The following ENTREP2 variants were observed in gnomAD, a reference collection of about 807,000 sequenced individuals.
ENTREP2 encodes the protein protein ENTREP2.
chr15:29,130,004 A>G, the ENTREP2 span, among the ~76,000 whole-genome samples: 65 of 152,260 alleles, frequency 4.3e-4, no homozygotes, highest in African/African-American at 1.5e-3. Flanking sequence ...CAGCTCAGGT[A>G]ATTACATTTC....
At chr15:29,119,706 C>CA in the ENTREP2 span, among the ~76,000 whole-genome samples, 1 of 130,864 alleles carries the variant, frequency 7.6e-6, no homozygotes, top group African/African-American at 3.4e-5. Flanking sequence ...GAATGAAAAG[C>CA]AAATACAATT....
At chr15:29,582,939 G>A in the ENTREP2 span, among the ~76,000 whole-genome samples, 10 of 152,168 alleles carry the variant, frequency 6.6e-5, no homozygotes, top group East Asian at 7.7e-4. Context: ...ATGAGCCACC[G>A]TGCCCAGCCC....
chr15:29,628,710 C>T, the ENTREP2 span, among the ~76,000 whole-genome samples: 1 of 152,100 alleles, frequency 6.6e-6, no homozygotes, highest in Admixed American at 6.6e-5. Flanking sequence ...GTGTTTGGTA[C>T]ATGCACATTT....
chr15:29,397,513 G>A, the ENTREP2 span, among the ~76,000 whole-genome samples: 2 of 151,994 alleles, frequency 1.3e-5, no homozygotes, highest in Non-Finnish European at 2.9e-5. Context: ...AAGAACAGTG[G>A]TCCTCACTTA....
At chr15:29,417,159 G>A in the ENTREP2 span, among the ~76,000 whole-genome samples, 28 of 152,144 alleles carry the variant, frequency 1.8e-4, no homozygotes, top group African/African-American at 6.8e-4. Context: ...ATACCCAAAG[G>A]ATTATAAATC....
At chr15:29,126,226 TG>T in the ENTREP2 span, 1 of 1,411,754 alleles carries the variant, frequency 7.1e-7, no homozygotes, top group Non-Finnish European at 9.4e-7. Context: ...CAAGGAAAGC[TG>T]GCCACACTCT....
chr15:29,539,136 G>A, the ENTREP2 span, among the ~76,000 whole-genome samples: 1 of 152,034 alleles, frequency 6.6e-6, no homozygotes, highest in Non-Finnish European at 1.5e-5. Context: ...CGCTGCACCC[G>A]ACAGAGGTCC....
At chr15:29,387,200 T>C in the ENTREP2 span, among the ~76,000 whole-genome samples, 16 of 152,358 alleles carry the variant, frequency 1.1e-4, no homozygotes, top group African/African-American at 3.8e-4. Context: ...TGAGAGTTTT[T>C]AGCATGAAGG....
At chr15:29,233,163 G>C in the ENTREP2 span, among the ~76,000 whole-genome samples, 1 of 152,178 alleles carries the variant, frequency 6.6e-6, no homozygotes. Flanking sequence ...ACATTGAAAA[G>C]TGCAAGTGGA....
the ENTREP2 span, among the ~76,000 whole-genome samples, chr15:29,261,058 T>C: frequency 0.15 from 23,154 of 152,160 alleles, 2,288 homozygotes; most frequent in Non-Finnish European, 0.23. Context: ...CTATATAATA[T>C]TTGAACAACA....
the ENTREP2 span, among the ~76,000 whole-genome samples, chr15:29,624,561 G>T: frequency 6.6e-6 from 1 of 152,152 alleles, no homozygotes; most frequent in African/African-American, 2.4e-5. Context: ...TTTAGCTGTC[G>T]TTCAGTGATG....
At chr15:29,126,176 C>T in the ENTREP2 span, 67 of 1,045,950 alleles carry the variant, frequency 6.4e-5, no homozygotes, top group South Asian at 9.1e-4. Flanking sequence ...TCTGCAGGGC[C>T]GGGCCTCCAC....
At chr15:29,624,001 G>C in the ENTREP2 span, among the ~76,000 whole-genome samples, 1 of 152,206 alleles carries the variant, frequency 6.6e-6, no homozygotes, top group Non-Finnish European at 1.5e-5. Context: ...GCCTCCCAAA[G>C]TGCTGGGATT....
At chr15:29,205,574 ATGT>A in the ENTREP2 span, among the ~76,000 whole-genome samples, 2 of 152,152 alleles carry the variant, frequency 1.3e-5, no homozygotes, top group Admixed American at 6.5e-5. Flanking sequence ...ACCATTAGTG[ATGT>A]TGTGCACCTT....
the ENTREP2 span, among the ~76,000 whole-genome samples, chr15:29,522,613 C>T: frequency 1.3e-5 from 2 of 152,166 alleles, no homozygotes; most frequent in African/African-American, 4.8e-5. Flanking sequence ...TATTCCCTTC[C>T]CACCTACCCG....
the ENTREP2 span, among the ~76,000 whole-genome samples, chr15:29,362,052 CA>C: frequency 6.6e-6 from 1 of 152,146 alleles, no homozygotes; most frequent in Non-Finnish European, 1.5e-5. Context: ...CATAAAGAAA[CA>C]CACAGACTCT....
chr15:29,323,924 T>C, the ENTREP2 span, among the ~76,000 whole-genome samples: 5 of 152,128 alleles, frequency 3.3e-5, no homozygotes, highest in Admixed American at 2.0e-4. Flanking sequence ...TATAGAGTAG[T>C]TGAAAATGTA....
the ENTREP2 span, chr15:29,233,683 T>C: frequency 6.4e-6 from 7 of 1,099,626 alleles, no homozygotes; most frequent in Non-Finnish European, 7.0e-6. Flanking sequence ...GCATAGCGCA[T>C]CTCCTGTTGC....
the ENTREP2 span, among the ~76,000 whole-genome samples, chr15:29,597,189 T>C: frequency 6.6e-6 from 1 of 152,216 alleles, no homozygotes; most frequent in Admixed American, 6.5e-5. Context: ...CGCTTGCTTT[T>C]TCCAGAATGT....
Sources: gnomAD v4.1 joint callset for allele counts (sites outside exome capture counted in the v4.1 genomes callset) on GRCh38, gnomAD v4.1.1 for gene constraint, MANE v1.5 for transcripts, NCBI Gene and HGNC (gene_info 2026-07-23, HGNC 2026-07-21) for gene names.